The following ARL6IP6 variants were observed in gnomAD, a reference collection of about 807,000 sequenced individuals.
ARL6IP6 encodes the protein ADP-ribosylation factor-like protein 6-interacting protein 6.
A neutral mutation model predicts 21.5 loss-of-function variants in ARL6IP6; 22 were observed. That is an observed-to-expected ratio of 1.02 (90% CI 0.73 to 1.46). The LOEUF is 1.46. Among genes scored for constraint, ARL6IP6 ranks in the 40% most tolerant of loss-of-function variants. The probability of loss-of-function intolerance (pLI) is 0.00; values close to 1 mark genes in which losing one functional copy is unlikely to be tolerated. For synonymous variants in ARL6IP6, 164 were observed against 125.3 expected (o/e 1.31, Z -2.06); for missense variants, 388 against 299.8 (o/e 1.29, Z -2.17).
At chr2:152,721,648 T>G (rs148956222) in intron 2 of ARL6IP6, among the ~76,000 whole-genome samples, 3 of 152,362 alleles carry the variant, frequency 2.0e-5, no homozygotes, top group South Asian at 4.1e-4. Context: ...ATTAAATCAT[T>G]TGATTTGATC....
intron 3 of ARL6IP6, among the ~76,000 whole-genome samples, chr2:152,743,055 G>C (rs1176353205): frequency 1.3e-5 from 2 of 152,064 alleles, no homozygotes; most frequent in African/African-American, 4.8e-5. Context: ...GGCACTCTGA[G>C]CTTTTGCTAT....
chr2:152,717,672 G>A (rs559752331), upstream of ARL6IP6: 31 of 1,414,952 alleles, frequency 2.2e-5, no homozygotes, highest in South Asian at 1.4e-4. Flanking sequence ...TTTCTGCGCC[G>A]AGTCCTCCGT....
chr2:152,738,624 A>G (rs2105139992), intron 3 of ARL6IP6, among the ~76,000 whole-genome samples: 1 of 152,268 alleles, frequency 6.6e-6, no homozygotes, highest in South Asian at 2.1e-4. Flanking sequence ...GCAACAGTGT[A>G]CATTGACCCC....
intron 3 of ARL6IP6, 98 bp downstream of exon 3, chr2:152,735,224 A>C: frequency 1.5e-6 from 2 of 1,367,926 alleles, no homozygotes; most frequent in Non-Finnish European, 2.0e-6. Context: ...AGGTATGTTG[A>C]GGTTTCAGTC....
In ARL6IP6 at chr2:152,759,330, A is replaced by G. The variant is rs1671138946; in HGVS notation, c.588-417A>G. Among the ~76,000 whole-genome samples the G allele has an allele frequency of 4.6e-5, 7 of 152,198 alleles. No homozygotes were observed. In the South Asian group the frequency reaches 1.5e-3, roughly 32 times the overall value. On this transcript the variant is annotated intron_variant, in intron 3 of 3. Transcript: ENST00000326446. The stretch of plus-strand genomic sequence containing the variant: ...GGTGCAAACAGAACAAATACTTGAA[A>G]TAATATGTATTTTAAGTCAAATCAA...
In ARL6IP6 at chr2:152,761,430, T is replaced by G. The variant is rs892358403; in HGVS notation, c.*1590T>G. Reference sequence around the variant, plus strand: ...GATGTACACAAGTAACAGAATCAATTTATCTTCTCTCCACCACTCTGTATT... The same window carrying G: ...GATGTACACAAGTAACAGAATCAATGTATCTTCTCTCCACCACTCTGTATT... On this transcript the variant is annotated 3_prime_UTR_variant, in exon 4 of 4. Coordinates refer to ENST00000326446, the MANE Select transcript of ARL6IP6 (RefSeq NM_152522.7). Among the ~76,000 whole-genome samples the G allele has an allele frequency of 6.6e-6, 1 of 152,138 alleles. No individual in the cohort carries two copies. Among genetic ancestry groups the G allele is most frequent in the African/African-American group, 2.4e-5 (1 of 41,436 alleles).
chr2:152,727,016 A>G (rs983126416), intron 2 of ARL6IP6, among the ~76,000 whole-genome samples: 2 of 152,182 alleles, frequency 1.3e-5, no homozygotes, highest in Admixed American at 6.5e-5. Context: ...TTTAGATTAT[A>G]TTACTTCTGC....
rs571191360 is a variant in ARL6IP6, at chr2:152,718,689, C to T, written c.65C>T (p.Pro22Leu). The change falls in exon 1 of 4, where the codon CCT becomes CTT. Residue 22 changes from proline (P) to leucine (L), a missense_variant. Transcript: ENST00000326446. Reference sequence around the variant, plus strand: ...CGCCGCGGTCCCGGCACCCCGGGCCCTGTGGCTCGGCCATCGTATTCCTCC... The same window carrying T: ...CGCCGCGGTCCCGGCACCCCGGGCCTTGTGGCTCGGCCATCGTATTCCTCC... Reference protein sequence around the residue: ...LRRRGPGTPGPVARPSYSSFT... With the variant: ...LRRRGPGTPGLVARPSYSSFT... The T allele has an allele frequency of 1.3e-6, 2 of 1,593,866 alleles. No individual in the cohort carries two copies. Among genetic ancestry groups the T allele is most frequent in the Admixed American group, 1.7e-5 (1 of 57,558 alleles).
At chr2:152,752,910 T>C (rs1026191407) in intron 3 of ARL6IP6, among the ~76,000 whole-genome samples, 1 of 152,168 alleles carries the variant, frequency 6.6e-6, no homozygotes, top group Non-Finnish European at 1.5e-5. Flanking sequence ...GATTGAACTT[T>C]AGGAAATTGG....
rs142487496 is a variant in ARL6IP6, at chr2:152,762,211, C to T, written c.*2371C>T. 1.3e-3 allele frequency among the ~76,000 whole-genome samples: 202 copies of T among 152,182 alleles called. No homozygotes were observed. The highest frequency in any genetic ancestry group is 2.2e-3 in the Non-Finnish European group (148 of 68,030). On this transcript the variant is annotated 3_prime_UTR_variant, in exon 4 of 4. Coordinates refer to ENST00000326446, the MANE Select transcript of ARL6IP6 (RefSeq NM_152522.7). ...TTTTCAGCTTGAAATTAAGATGTGA[C>T]GAAGCTGGGAAAATGCAAGCCCAGG... is the stretch of plus-strand genomic sequence containing the variant.
At chr2:152,718,441 T>A (rs1473060877), upstream of ARL6IP6, 3 of 788,474 alleles carry the variant, frequency 3.8e-6, no homozygotes, top group Non-Finnish European at 5.4e-6. Flanking sequence ...TCGAAGCGCA[T>A]TCCGCCTCTC....
chr2:152,727,372 A>T (rs1344629311), intron 2 of ARL6IP6, among the ~76,000 whole-genome samples: 2 of 152,246 alleles, frequency 1.3e-5, no homozygotes, highest in Non-Finnish European at 2.9e-5. Context: ...AAATTTTAAA[A>T]TTTATAAAGT....
chr2:152,731,371 C>T (rs1382021481), intron 2 of ARL6IP6, among the ~76,000 whole-genome samples: 1 of 152,116 alleles, frequency 6.6e-6, no homozygotes, highest in African/African-American at 2.4e-5. Context: ...TACAAACAGT[C>T]CATTGCATGT....
intron 3 of ARL6IP6, among the ~76,000 whole-genome samples, chr2:152,746,408 A>C (rs1391554036): frequency 6.6e-6 from 1 of 152,168 alleles, no homozygotes; most frequent in Non-Finnish European, 1.5e-5. Flanking sequence ...CAATACTGAC[A>C]AGAAATACTT....
upstream of ARL6IP6, chr2:152,717,816 G>A (rs1450567191): frequency 8.7e-7 from 1 of 1,146,340 alleles, no homozygotes; most frequent in Non-Finnish European, 1.1e-6. Flanking sequence ...CCCGAGTTAC[G>A]TACGCCCCAC....
At chr2:152,741,916 G>A (rs577936507) in intron 3 of ARL6IP6, among the ~76,000 whole-genome samples, 6 of 152,300 alleles carry the variant, frequency 3.9e-5, no homozygotes, top group African/African-American at 1.4e-4. Flanking sequence ...GGAAAGTCTT[G>A]TTTTGGTTGT....
At chr2:152,724,909 C>G (rs375303747) in intron 2 of ARL6IP6, among the ~76,000 whole-genome samples, 1 of 151,266 alleles carries the variant, frequency 6.6e-6, no homozygotes, top group Non-Finnish European at 1.5e-5. Flanking sequence ...AAAAAAAAAG[C>G]AAAAAAACGA....
At position 152,759,741 on chromosome 2, in the gene ARL6IP6, T is replaced by G. The variant is rs1222811883; in HGVS notation, c.588-6T>G. On this transcript the variant is annotated splice_polypyrimidine_tract_variant and splice_region_variant and intron_variant, in intron 3 of 3. Coordinates refer to ENST00000326446, the MANE Select transcript of ARL6IP6 (RefSeq NM_152522.7). ...TTTTTTGATTTGTGTTTTTCTTTTT[T>G]TCTAGGAAACTGACTGGACATTCTT... is the stretch of plus-strand genomic sequence containing the variant. The G allele has an allele frequency of 1.2e-6, 2 of 1,610,432 alleles. No individual in the cohort carries two copies. Among genetic ancestry groups the G allele is most frequent in the Non-Finnish European group, 1.7e-6 (2 of 1,177,596 alleles).
In ARL6IP6 at chr2:152,761,595, G is replaced by A. The variant is rs1290849287; in HGVS notation, c.*1755G>A. Among the ~76,000 whole-genome samples, 2 of 152,122 alleles carry A rather than the reference G, an allele frequency of 1.3e-5. No homozygotes were observed. Among genetic ancestry groups the A allele is most frequent in the South Asian group, 2.1e-4 (1 of 4,832 alleles). ...CATATAACAACGTTTTGGTCACAAC[G>A]AACTGTACTTATGATAGTGAATCCC... is the stretch of plus-strand genomic sequence containing the variant. On this transcript the variant is annotated 3_prime_UTR_variant, in exon 4 of 4. Transcript: ENST00000326446.
Sources: allele counts gnomAD v4.1 joint callset (sites outside exome capture counted in the v4.1 genomes callset), GRCh38; gene constraint gnomAD v4.1.1; transcripts MANE v1.5; gene names NCBI Gene and HGNC (gene_info 2026-07-23, HGNC 2026-07-21).